KLF7: variants seen among roughly 807,000 people sequenced by gnomAD.
KLF7 encodes KLF transcription factor 7, also known as Krueppel-like factor 7.
KLF7 carries 2 observed loss-of-function variants against 27.3 expected under a neutral mutation model. The observed-to-expected ratio is 0.07, with a 90% CI of 0.03 to 0.23. The LOEUF is 0.23. Among genes scored for constraint, KLF7 ranks in the 10% least tolerant of loss-of-function variants. The pLI is 1.00. For synonymous variants in KLF7, 165 were observed against 162.4 expected (o/e 1.02, Z -0.12); for missense variants, 221 against 394.1 (o/e 0.56, Z 3.72).
At position 207,078,427 on chromosome 2, in the gene KLF7, A is replaced by G. The variant is rs1016950946; in HGVS notation, c.*2786T>C. 6.6e-6 allele frequency: 1 copy of G among 152,270 alleles called. No individual in the cohort carries two copies. The highest frequency in any genetic ancestry group is 2.4e-5 in the African/African-American group (1 of 41,472). The allele number at this position is 152,270 out of a possible 1,614,324, so 9.4% of individuals were successfully genotyped here. On this transcript the variant is annotated 3_prime_UTR_variant, in exon 4 of 4. Transcript: ENST00000309446. ...CACATTCAAATGAGACCACAGATGA[A>G]AATAGGGAGCAAACAAGCAATGATT...
chr2:207,082,375 A>G (rs2076292220), intron 3 of KLF7, among the ~76,000 whole-genome samples: 1 of 152,196 alleles, frequency 6.6e-6, no homozygotes, highest in African/African-American at 2.4e-5. Flanking sequence ...GAATGAAGTC[A>G]ACAGAGAAAA....
At chr2:207,083,506 T>G (rs1422409984) in intron 3 of KLF7, among the ~76,000 whole-genome samples, 1 of 152,190 alleles carries the variant, frequency 6.6e-6, no homozygotes, top group East Asian at 1.9e-4. Context: ...GAAAGAGGAT[T>G]TGAACACAGG....
chr2:207,147,876 T>C (rs984439126), intron 1 of KLF7, among the ~76,000 whole-genome samples: 1 of 152,206 alleles, frequency 6.6e-6, no homozygotes, highest in African/African-American at 2.4e-5. Context: ...AGCCAGTTCT[T>C]GAAATGTTTT....
intron 1 of KLF7, among the ~76,000 whole-genome samples, chr2:207,157,219 T>TAAAAAAAAAAAAAAAAAAAAAAAAAAAA (rs5838052): frequency 7.3e-4 from 64 of 87,250 alleles, no homozygotes; most frequent in Non-Finnish European, 1.1e-3. Context: ...AACAGAAAAG[T>TAAAAAAAAAAAAAAAAAAAAAAAAAAAA]AAAAAAAAAA....
chr2:207,149,033 T>C (rs2078171777), intron 1 of KLF7: 2 of 1,175,606 alleles, frequency 1.7e-6, no homozygotes, highest in African/African-American at 1.6e-5. Flanking sequence ...AACAAAGGAA[T>C]GTCTCCTTAC....
At chr2:207,106,095 G>A (rs1335642675) in intron 2 of KLF7, among the ~76,000 whole-genome samples, 1 of 152,164 alleles carries the variant, frequency 6.6e-6, no homozygotes, top group African/African-American at 2.4e-5. Context: ...AAATGTGCAT[G>A]CTAGAAAATA....
At chr2:207,115,238 C>T (rs2105954697) in intron 2 of KLF7, among the ~76,000 whole-genome samples, 1 of 152,024 alleles carries the variant, frequency 6.6e-6, no homozygotes, top group Admixed American at 6.5e-5. Flanking sequence ...TGGACTGAGG[C>T]TCCATAAGGA....
At chr2:207,166,962 C>T, upstream of KLF7, 10 of 836,576 alleles carry the variant, frequency 1.2e-5, no homozygotes, top group Non-Finnish European at 1.5e-5. Flanking sequence ...CGCCCTCCCT[C>T]CCGCGCCTCC....
At chr2:207,087,285 TAAG>T (rs1241020799) in intron 3 of KLF7, among the ~76,000 whole-genome samples, 8 of 151,298 alleles carry the variant, frequency 5.3e-5, no homozygotes, top group Non-Finnish European at 1.0e-4. Context: ...AGAATGAAGA[TAAG>T]AGGAAAATAG....
At chr2:207,143,013 C>T (rs1010358093) in intron 1 of KLF7, among the ~76,000 whole-genome samples, 10 of 152,174 alleles carry the variant, frequency 6.6e-5, no homozygotes, top group African/African-American at 2.4e-4. Flanking sequence ...TAATGTTGCC[C>T]AGTGATATTC....
At chr2:207,160,150 T>C (rs1303960910) in intron 1 of KLF7, among the ~76,000 whole-genome samples, 1 of 152,228 alleles carries the variant, frequency 6.6e-6, no homozygotes, top group Non-Finnish European at 1.5e-5. Context: ...TTCACCAACT[T>C]TAACACCATT....
chr2:207,142,945 A>G (rs1010066919), intron 1 of KLF7, among the ~76,000 whole-genome samples: 5 of 152,210 alleles, frequency 3.3e-5, no homozygotes, highest in Admixed American at 6.5e-5. Context: ...ATCTTCAGTG[A>G]TAACTCAGGG....
chr2:207,096,545 G>C (rs534225100), intron 2 of KLF7, among the ~76,000 whole-genome samples: 9 of 152,192 alleles, frequency 5.9e-5, no homozygotes, highest in Non-Finnish European at 5.9e-5. Context: ...AGAAAGCTCT[G>C]CAGATTTAAA....
intron 3 of KLF7, among the ~76,000 whole-genome samples, chr2:207,084,035 AC>A (rs762235237): frequency 2.0e-5 from 3 of 152,204 alleles, no homozygotes; most frequent in Non-Finnish European, 4.4e-5. Context: ...AACCTACAGA[AC>A]TGTAAGACCA....
chr2:207,142,468 G>A (rs1215613320), intron 1 of KLF7, among the ~76,000 whole-genome samples: 1 of 152,160 alleles, frequency 6.6e-6, no homozygotes, highest in Non-Finnish European at 1.5e-5. Flanking sequence ...CTGCCTACAA[G>A]GTGCTCATGG....
chr2:207,117,870 C>T (rs573279700), intron 2 of KLF7, among the ~76,000 whole-genome samples: 1 of 152,208 alleles, frequency 6.6e-6, no homozygotes, highest in South Asian at 2.1e-4. Context: ...GCTGCAAGCC[C>T]CTGCTTTCAT....
At chr2:207,128,404 T>C (rs1442633201) in intron 1 of KLF7, among the ~76,000 whole-genome samples, 1 of 152,076 alleles carries the variant, frequency 6.6e-6, no homozygotes, top group Non-Finnish European at 1.5e-5. Flanking sequence ...ATGATGGAAA[T>C]AGAAAATCAC....
At chr2:207,168,149 G>A (rs2078757014), upstream of KLF7, among the ~76,000 whole-genome samples, 1 of 152,148 alleles carries the variant, frequency 6.6e-6, no homozygotes, top group South Asian at 2.1e-4. Context: ...TAGAAAACTA[G>A]AGGCAAAAGG....
chr2:207,147,588 G>A (rs867078010), intron 1 of KLF7, among the ~76,000 whole-genome samples: 36 of 152,224 alleles, frequency 2.4e-4, no homozygotes, highest in African/African-American at 7.9e-4. Context: ...CTGGGGCGGA[G>A]GAGTCTGAAG....
Sources: allele counts gnomAD v4.1 joint callset (sites outside exome capture counted in the v4.1 genomes callset), GRCh38; gene constraint gnomAD v4.1.1; transcripts MANE v1.5; gene names NCBI Gene and HGNC (gene_info 2026-07-23, HGNC 2026-07-21).